PIGB: variants seen among roughly 807,000 people sequenced by gnomAD.
PIGB encodes the protein GPI alpha-1,2-mannosyltransferase 3.
A neutral mutation model predicts 68.4 loss-of-function variants in PIGB; 58 were observed. That is an observed-to-expected ratio of 0.85 (90% CI 0.69 to 1.06). The LOEUF is 1.06. Among genes scored for constraint, PIGB ranks in the 50% least tolerant of loss-of-function variants. PIGB has a pLI of 0.00. For missense variants in PIGB, 634 were observed against 655.8 expected, an observed-to-expected ratio of 0.97 and a Z score of 0.36; for synonymous variants, 219 against 220.5, an observed-to-expected ratio of 0.99 and a Z score of 0.06.
In PIGB at chr15:55,350,828, T is replaced by C. The variant is rs754311764; in HGVS notation, c.1253T>C (p.Ile418Thr). ...QRGTLDVMSH[I>T]QKVCYNNPNK... ...GGTACTCTTGATGTCATGAGTCATA[T>C]TCAAAAAGTTTGTTACAACAATCCC... The change falls in exon 10 of 12, where the codon ATT (isoleucine) becomes ACT (threonine). Residue 418 changes from isoleucine to threonine, a missense_variant. Ile to Thr is a moderately conservative substitution (Grantham distance 89). Transcript: ENST00000164305. The C allele has an allele frequency of 1.9e-6, 3 of 1,611,006 alleles. No individual in the cohort carries two copies. The South Asian group carries it at 3.3e-5, about 18-fold the overall frequency.
At chr15:55,327,107 A>G (rs2055306921) in intron 3 of PIGB, among the ~76,000 whole-genome samples, 2 of 151,300 alleles carry the variant, frequency 1.3e-5, no homozygotes, top group South Asian at 4.1e-4. Flanking sequence ...TCAATCAATC[A>G]ATATAATAAA....
At chr15:55,346,117 G>A (rs11858487) in intron 9 of PIGB, among the ~76,000 whole-genome samples, 2 of 152,172 alleles carry the variant, frequency 1.3e-5, no homozygotes, top group African/African-American at 4.8e-5. Flanking sequence ...GAACGTATTA[G>A]TGATTGCTGG....
At chr15:55,347,991 T>TC (rs1191123318) in intron 9 of PIGB, among the ~76,000 whole-genome samples, 1 of 134,768 alleles carries the variant, frequency 7.4e-6, no homozygotes, top group Non-Finnish European at 1.5e-5. Flanking sequence ...TTCTTTTTTT[T>TC]TTTTTTTTTT....
intron 3 of PIGB, among the ~76,000 whole-genome samples, chr15:55,326,259 C>A (rs1201502940): frequency 6.6e-6 from 1 of 150,988 alleles, no homozygotes; most frequent in African/African-American, 2.4e-5. Context: ...TATTTTATAT[C>A]TTATTATCTT....
At chr15:55,332,452 C>T (rs1162899146) in intron 5 of PIGB, among the ~76,000 whole-genome samples, 1 of 151,462 alleles carries the variant, frequency 6.6e-6, no homozygotes, top group East Asian at 1.9e-4. Flanking sequence ...CTCATTGCAA[C>T]CTCCACTTCC....
At chr15:55,341,695 CATG>C (rs774519331) in intron 8 of PIGB, 40 bp from the exon 9 acceptor site, 13 of 746,110 alleles carry the variant, frequency 1.7e-5, no homozygotes, top group Middle Eastern at 3.9e-4. Context: ...TATCATATAA[CATG>C]ATAATTAATA....
intron 6 of PIGB, among the ~76,000 whole-genome samples, chr15:55,336,070 G>C (rs773084549): frequency 6.6e-5 from 10 of 152,146 alleles, no homozygotes; most frequent in Non-Finnish European, 1.3e-4. Context: ...GATGCTCCTT[G>C]ACTCAGGGTT....
intron 5 of PIGB, among the ~76,000 whole-genome samples, 161 bp downstream of exon 5, chr15:55,330,015 AACAGG>A (rs1468593793): frequency 9.8e-5 from 15 of 152,342 alleles, no homozygotes; most frequent in Admixed American, 9.2e-4. Context: ...ATAATACTCA[AACAGG>A]ATAATTAAGG....
Position 55,327,588 on chromosome 15 carries a change from T to C in PIGB, c.475T>C (p.Tyr159His), listed in dbSNP as rs1380706094. The change falls in exon 4 of 12, where the codon TAC becomes CAC. Residue 159 changes from tyrosine to histidine, a missense_variant. Transcript: ENST00000164305. ...GTCTGCTGTAGCAGATGTGAGACTT[T>C]ACTCATTAATGAAGCAACTAGAAAA... ...LLSAVADVRL[Y>H]SLMKQLENQE... is the part of the protein sequence containing the mutation. The C allele has an allele frequency of 4.3e-6, 7 of 1,612,288 alleles. No homozygotes were observed. Among genetic ancestry groups the C allele is most frequent in the Non-Finnish European group, 4.2e-6 (5 of 1,179,242 alleles).
intron 3 of PIGB, among the ~76,000 whole-genome samples, chr15:55,326,057 C>T (rs144249098): frequency 0.027 from 4,137 of 151,686 alleles, 184 homozygotes; most frequent in African/African-American, 0.095. Flanking sequence ...ATTAGCTGGG[C>T]GTGGCGGCGT....
In PIGB at chr15:55,350,790, A is replaced by G. The variant is rs780997014; in HGVS notation, c.1215A>G (p.Leu405=). ...TGTTCCTCGCCCTTTATACTGGTTT[A>G]GTTCATCAACGAGGTACTCTTGATG... ...SNLFLALYTG[L]VHQRGTLDVM... The change falls in exon 10 of 12, where the codon TTA becomes TTG. Residue 405 remains leucine, a synonymous_variant. Coordinates refer to ENST00000164305, the MANE Select transcript of PIGB (RefSeq NM_004855.5). The G allele has an allele frequency of 6.2e-6, 10 of 1,612,594 alleles. No homozygotes were observed. The highest frequency in any genetic ancestry group is 8.5e-6 in the Non-Finnish European group (10 of 1,178,816).
intron 9 of PIGB, 26 bp from the exon 10 acceptor site, chr15:55,350,673 G>T: frequency 7.0e-7 from 1 of 1,436,558 alleles, no homozygotes; most frequent in Non-Finnish European, 9.7e-7. Flanking sequence ...TCAGTGTTAA[G>T]GTTCAATATG....
chr15:55,342,809 A>G (rs1175329229), intron 9 of PIGB, among the ~76,000 whole-genome samples: 1 of 152,244 alleles, frequency 6.6e-6, no homozygotes, highest in East Asian at 1.9e-4. Flanking sequence ...ACATGACTCA[A>G]TTCAGGAAAA....
rs1278978807 is a variant in PIGB, at chr15:55,329,914, A to G, written c.653+60A>G. 3.1e-6 allele frequency: 4 copies of G among 1,288,614 alleles called. No individual in the cohort carries two copies. In the African/African-American group the frequency reaches 4.5e-5, roughly 14 times the overall value. 79.8% of individuals were successfully genotyped at this position (1,288,614 alleles called of 1,614,324 possible). On this transcript the variant is annotated intron_variant, in intron 5 of 11. Coordinates refer to ENST00000164305, the MANE Select transcript of PIGB (RefSeq NM_004855.5). ...ATTCTACTTTTGAAAAATCTTAAAT[A>G]TCAACATATTGTAATGTCTAGTAGA...
In PIGB at chr15:55,322,625, C is replaced by A. The variant is rs1261597868; in HGVS notation, c.417+1235C>A. On this transcript the variant is annotated intron_variant, in intron 3 of 11. Transcript: ENST00000164305. Reference sequence around the variant, plus strand: ...GTGTTTTGTGTAGCTTAGAAAGACACAGGTTCTAGGGTATTTGTTTTAAGG... The same window carrying A: ...GTGTTTTGTGTAGCTTAGAAAGACAAAGGTTCTAGGGTATTTGTTTTAAGG... 2.0e-5 allele frequency among the ~76,000 whole-genome samples: 3 copies of A among 152,150 alleles called. No homozygotes were observed. In the East Asian group the frequency reaches 5.8e-4, roughly 29 times the overall value.
intron 5 of PIGB, among the ~76,000 whole-genome samples, chr15:55,331,382 C>A (rs1002619114): frequency 1.3e-5 from 2 of 152,070 alleles, no homozygotes; most frequent in South Asian, 2.1e-4. Context: ...CTATTCCAGA[C>A]CTGACAATAA....
intron 10 of PIGB, among the ~76,000 whole-genome samples, chr15:55,352,059 C>T (rs2055938109): frequency 6.6e-6 from 1 of 150,690 alleles, no homozygotes. Context: ...AGCGATTCTC[C>T]TGCCTCAGCC....
chr15:55,347,909 TCA>T (rs149483558), intron 9 of PIGB, among the ~76,000 whole-genome samples: 7,713 of 152,078 alleles, frequency 0.051, 260 homozygotes, highest in East Asian at 0.15. Context: ...AGTGCTATTT[TCA>T]CAGTCTTGAT....
chr15:55,325,152 C>G (rs1354419763), intron 3 of PIGB, among the ~76,000 whole-genome samples: 1 of 151,910 alleles, frequency 6.6e-6, no homozygotes, highest in Non-Finnish European at 1.5e-5. Flanking sequence ...ATGGTGAAAC[C>G]CCATCTCTAC....
Sources: allele counts gnomAD v4.1 joint callset (sites outside exome capture counted in the v4.1 genomes callset), GRCh38; gene constraint gnomAD v4.1.1; transcripts MANE v1.5; gene names NCBI Gene and HGNC (gene_info 2026-07-23, HGNC 2026-07-21).